The following UCK2 variants were observed in gnomAD, a reference collection of about 807,000 sequenced individuals.
UCK2 encodes the protein uridine-cytidine kinase 2, also known as cytidine monophosphokinase 2.
In UCK2, 6 loss-of-function variants were observed where a neutral mutation model predicts 30.8. That is an observed-to-expected ratio of 0.19 (90% CI 0.11 to 0.38). The LOEUF is 0.38. Among genes scored for constraint, UCK2 ranks in the 10% least tolerant of loss-of-function variants. The pLI is 1.00. For synonymous variants in UCK2, 125 were observed against 133.6 expected (o/e 0.94, Z 0.45); for missense variants, 210 against 339.8 (o/e 0.62, Z 3.00).
chr1:165,835,219 A>G (rs1413910535), intron 1 of UCK2, among the ~76,000 whole-genome samples: 1 of 149,532 alleles, frequency 6.7e-6, no homozygotes, highest in Non-Finnish European at 1.5e-5. Flanking sequence ...GGCTGATAAC[A>G]GTGCTGATTT....
chr1:165,865,782 CTAACTAGGA>C (rs1393415398), intron 1 of UCK2, among the ~76,000 whole-genome samples: 1 of 152,164 alleles, frequency 6.6e-6, no homozygotes, highest in Non-Finnish European at 1.5e-5. Context: ...CTGGGGTAAG[CTAACTAGGA>C]TAACCACAGT....
At chr1:165,883,155 CT>C (rs1655541972) in intron 1 of UCK2, among the ~76,000 whole-genome samples, 1 of 152,100 alleles carries the variant, frequency 6.6e-6, no homozygotes, top group African/African-American at 2.4e-5. Flanking sequence ...GAATCTTGGG[CT>C]TTTATTTAGC....
intron 1 of UCK2, among the ~76,000 whole-genome samples, chr1:165,832,888 G>T (rs1329209950): frequency 6.6e-6 from 1 of 151,808 alleles, no homozygotes; most frequent in East Asian, 1.9e-4. Context: ...TGCCCGGCCG[G>T]TTTTTTTTCT....
At chr1:165,906,858 T>C (rs1038935293) in intron 6 of UCK2, among the ~76,000 whole-genome samples, 1 of 152,248 alleles carries the variant, frequency 6.6e-6, no homozygotes, top group Non-Finnish European at 1.5e-5. Flanking sequence ...AATAAATATT[T>C]AACCCTGTAT....
intron 6 of UCK2, 134 bp from the exon 7 acceptor site, chr1:165,907,550 T>A: frequency 7.9e-7 from 1 of 1,260,434 alleles, no homozygotes; most frequent in Non-Finnish European, 1.1e-6. Flanking sequence ...ATGACTTGCC[T>A]GCAAGTGGCA....
intron 1 of UCK2, among the ~76,000 whole-genome samples, chr1:165,860,615 A>G (rs555647072): frequency 6.6e-6 from 1 of 152,090 alleles, no homozygotes; most frequent in African/African-American, 2.4e-5. Context: ...CACCTGGCTA[A>G]TGTTTTGTAT....
rs376278078 is a variant in UCK2 at position 165,845,926 on chromosome 1, G to A, written c.99+17994G>A. Among the ~76,000 whole-genome samples the A allele has an allele frequency of 2.7e-4, 41 of 152,238 alleles. No individual in the cohort carries two copies. The East Asian group carries it at 2.9e-3, about 11-fold the overall frequency. On this transcript the variant is annotated intron_variant, in intron 1 of 6. Coordinates refer to ENST00000367879, the MANE Select transcript of UCK2 (RefSeq NM_012474.5). ...CAGTGATCCTCCTGCCTCGGCCTCC[G>A]AAAGTGTTGGGGTTACAGGTATGAG...
chr1:165,837,613 T>C (rs1292114135), intron 1 of UCK2, among the ~76,000 whole-genome samples: 1 of 152,176 alleles, frequency 6.6e-6, no homozygotes, highest in Non-Finnish European at 1.5e-5. Context: ...AGAATTTTTT[T>C]CCCTTGCCCT....
chr1:165,833,063 A>G (rs1654092858), intron 1 of UCK2, among the ~76,000 whole-genome samples: 1 of 152,090 alleles, frequency 6.6e-6, no homozygotes, highest in Non-Finnish European at 1.5e-5. Context: ...GTGAGTCAGC[A>G]TCTGCTTTTG....
rs1257712871 is a variant in UCK2, at chr1:165,827,754, G to C, written c.-80G>C. On this transcript the variant is annotated 5_prime_UTR_variant, in exon 1 of 7. Transcript: ENST00000367879. ...CAGCGCCCAGCGGCGGCTGCGGAAA[G>C]CGGAGGGAGTCCGACGCGGGCGCGG... 3 of 1,224,686 alleles carry C rather than the reference G, an allele frequency of 2.4e-6. No homozygotes were observed. The highest frequency in any genetic ancestry group is 1.6e-5 in the African/African-American group (1 of 63,636). 75.9% of individuals were successfully genotyped at this position (1,224,686 alleles called of 1,614,324 possible).
intron 1 of UCK2, among the ~76,000 whole-genome samples, chr1:165,849,384 G>A (rs10753694): frequency 0.39 from 58,810 of 151,906 alleles, 11,584 homozygotes; most frequent in Middle Eastern, 0.52. Context: ...CGTGGGCTCC[G>A]ATCTGGGAAA....
intron 1 of UCK2, among the ~76,000 whole-genome samples, chr1:165,850,972 G>A (rs1380135961): frequency 3.0e-5 from 4 of 131,406 alleles, no homozygotes; most frequent in Non-Finnish European, 6.2e-5. Context: ...AATGGGTCTC[G>A]CTATGTTGCT....
intron 3 of UCK2, chr1:165,895,804 C>G: frequency 3.5e-6 from 1 of 286,760 alleles, no homozygotes; most frequent in South Asian, 1.3e-4. Context: ...GTGTTAGGTT[C>G]CATAAATGCC....
intron 1 of UCK2, among the ~76,000 whole-genome samples, chr1:165,846,472 T>C (rs1406318673): frequency 6.7e-6 from 1 of 148,920 alleles, no homozygotes; most frequent in Non-Finnish European, 1.5e-5. Context: ...AAACAAAACA[T>C]CTGGAAGTTG....
chr1:165,830,802 GAC>G (rs1654029292), intron 1 of UCK2, among the ~76,000 whole-genome samples: 1 of 152,138 alleles, frequency 6.6e-6, no homozygotes, highest in African/African-American at 2.4e-5. Flanking sequence ...GGGAGGCAGA[GAC>G]AGGAGGATTG....
intron 1 of UCK2, among the ~76,000 whole-genome samples, chr1:165,846,437 C>A (rs936205636): frequency 6.6e-6 from 1 of 151,446 alleles, no homozygotes; most frequent in Admixed American, 6.6e-5. Context: ...AAGAGACTGC[C>A]CTTTTTTTTA....
At chr1:165,844,525 A>G (rs1654401073) in intron 1 of UCK2, among the ~76,000 whole-genome samples, 1 of 152,212 alleles carries the variant, frequency 6.6e-6, no homozygotes, top group Admixed American at 6.5e-5. Context: ...TAAATCCCTT[A>G]GAATTTCCCA....
In UCK2 at chr1:165,907,743, C is replaced by T. The variant is rs1398775736; in HGVS notation, c.706C>T (p.Arg236Trp). Residue 236 changes from arginine (R) to tryptophan (W), a missense_variant, in exon 7 of 7, where the codon CGG becomes TGG. By Grantham distance (101) the Arg-to-Trp change is moderately radical. Around this residue, in one of 4 missense-constraint regions of UCK2, gnomAD observed 38 missense variants for 45.4 expected, o/e 0.84. Transcript: ENST00000367879. ...CATCCTGAATGGAGGGCCCTCCAAA[C>T]GGCAGACCAATGGCTGTCTCAACGG... ...QDILNGGPSK[R>W]QTNGCLNGYT... 1.2e-5 allele frequency: 19 copies of T among 1,614,178 alleles called. No individual in the cohort carries two copies. The highest frequency in any genetic ancestry group is 3.3e-5 in the Admixed American group (2 of 60,026).
At chr1:165,837,315 T>G (rs529629222) in intron 1 of UCK2, among the ~76,000 whole-genome samples, 1 of 152,326 alleles carries the variant, frequency 6.6e-6, no homozygotes, top group East Asian at 1.9e-4. Context: ...TAACTAGCCT[T>G]GAGTATCCTG....
Sources: gnomAD v4.1 joint callset for allele counts (sites outside exome capture counted in the v4.1 genomes callset) on GRCh38, gnomAD v4.1.1 for gene constraint, gnomAD v4.1.1 regional missense constraint, MANE v1.5 for transcripts, NCBI Gene and HGNC (gene_info 2026-07-23, HGNC 2026-07-21) for gene names.